TSHZ2: variants seen among roughly 807,000 people sequenced by gnomAD.
TSHZ2 encodes the protein teashirt zinc finger homeobox 2.
In TSHZ2, 21 loss-of-function variants were observed where a neutral mutation model predicts 74.4. The observed-to-expected ratio is 0.28, with a 90% confidence interval of 0.20 to 0.41. The LOEUF (loss-of-function observed/expected upper bound fraction) is 0.41, where lower values mean the gene tolerates loss of function less well. Ranked by LOEUF, TSHZ2 falls within the 10% of genes least tolerant of loss-of-function variation. The pLI is 1.00. For synonymous variants in TSHZ2, 540 were observed against 515.3 expected (o/e 1.05, Z -0.65); for missense variants, 1,244 against 1,293.5 (o/e 0.96, Z 0.59).
At chr20:53,231,732 A>C (rs1989828937) in intron 1 of TSHZ2, among the ~76,000 whole-genome samples, 1 of 152,176 alleles carries the variant, frequency 6.6e-6, no homozygotes, top group South Asian at 2.1e-4. Flanking sequence ...ATCTTTCCTC[A>C]ACCTCTACGG....
At chr20:53,170,071 A>C (rs1988160457) in intron 1 of TSHZ2, among the ~76,000 whole-genome samples, 1 of 152,188 alleles carries the variant, frequency 6.6e-6, no homozygotes. Context: ...AGATGTGAAA[A>C]CTGAGGCTTG....
intron 1 of TSHZ2, among the ~76,000 whole-genome samples, chr20:53,013,500 TAAC>T (rs1982929249): frequency 6.6e-6 from 1 of 152,344 alleles, no homozygotes; most frequent in South Asian, 2.1e-4. Context: ...TAGGTTAACT[TAAC>T]AAATATTTAT....
chr20:53,114,710 A>G (rs953656276), intron 1 of TSHZ2, among the ~76,000 whole-genome samples: 1 of 152,172 alleles, frequency 6.6e-6, no homozygotes, highest in Non-Finnish European at 1.5e-5. Flanking sequence ...TCTAGAGTTT[A>G]CACACAACCC....
At chr20:53,353,935 G>A (rs1360704105) in intron 2 of TSHZ2, among the ~76,000 whole-genome samples, 2 of 152,208 alleles carry the variant, frequency 1.3e-5, no homozygotes, top group African/African-American at 4.8e-5. Flanking sequence ...TTCCTGGCAT[G>A]TGGGTCTTTT....
At chr20:53,362,706 A>C (rs1379574889) in intron 2 of TSHZ2, among the ~76,000 whole-genome samples, 1 of 152,212 alleles carries the variant, frequency 6.6e-6, no homozygotes, top group Non-Finnish European at 1.5e-5. Context: ...AATGGTAAGA[A>C]TCTGATTGCT....
chr20:53,389,522 T>C (rs1415305830), intron 2 of TSHZ2, among the ~76,000 whole-genome samples: 1 of 152,082 alleles, frequency 6.6e-6, no homozygotes, highest in Admixed American at 6.5e-5. Flanking sequence ...CCAGGCAGAG[T>C]GGCCAAGACT....
At chr20:53,437,197 G>A (rs1337933307) in intron 2 of TSHZ2, among the ~76,000 whole-genome samples, 1 of 152,152 alleles carries the variant, frequency 6.6e-6, no homozygotes, top group Non-Finnish European at 1.5e-5. Flanking sequence ...CTCAGGCCAG[G>A]CACAGTAGCT....
chr20:53,095,569 T>C (rs1986014307), intron 1 of TSHZ2, among the ~76,000 whole-genome samples: 2 of 152,200 alleles, frequency 1.3e-5, no homozygotes, highest in South Asian at 4.1e-4. Context: ...ATAATAAATT[T>C]CTGTTACATA....
intron 2 of TSHZ2, among the ~76,000 whole-genome samples, chr20:53,279,675 C>T (rs67671288): frequency 0.082 from 12,533 of 152,240 alleles, 557 homozygotes; most frequent in African/African-American, 0.12. Flanking sequence ...AACAAAATGA[C>T]ATTTTCCTTT....
chr20:53,081,379 G>T (rs1216243087), intron 1 of TSHZ2, among the ~76,000 whole-genome samples: 1 of 152,152 alleles, frequency 6.6e-6, no homozygotes, highest in Non-Finnish European at 1.5e-5. Context: ...TACACTTTCA[G>T]CTTGACACTG....
At position 53,254,888 on chromosome 20, in the gene TSHZ2, A is replaced by T; in HGVS notation, c.1430A>T (p.Lys477Ile). The change falls in exon 2 of 3, where the codon AAA becomes ATA. Residue 477 changes from lysine (K) to isoleucine (I), a missense_variant. Physicochemically the swap from Lys to Ile is moderately radical, Grantham distance 102 (BLOSUM62 -3). This residue lies in a region of TSHZ2 where 562 missense variants were observed against 544.0 expected (regional missense o/e 1.03). Coordinates refer to ENST00000371497, the MANE Select transcript of TSHZ2 (RefSeq NM_173485.6). ...ERPEETSKDE[K>I]VVKSEDYEDP... Reference sequence around the variant, plus strand: ...CCAGAGGAAACCAGCAAGGATGAGAAAGTCGTGAAAAGCGAGGACTATGAA... The same window carrying T: ...CCAGAGGAAACCAGCAAGGATGAGATAGTCGTGAAAAGCGAGGACTATGAA... 3 of 1,614,150 alleles carry T rather than the reference A, an allele frequency of 1.9e-6. No homozygotes were observed. The highest frequency in any genetic ancestry group is 2.5e-6 in the Non-Finnish European group (3 of 1,180,034).
chr20:53,465,579 T>G (rs1985533095), intron 2 of TSHZ2, among the ~76,000 whole-genome samples: 1 of 152,030 alleles, frequency 6.6e-6, no homozygotes, highest in South Asian at 2.1e-4. Context: ...CCAGAAATCT[T>G]TATTACTATG....
At chr20:53,128,705 T>G (rs1164539674) in intron 1 of TSHZ2, among the ~76,000 whole-genome samples, 1 of 151,846 alleles carries the variant, frequency 6.6e-6, no homozygotes, top group Non-Finnish European at 1.5e-5. Flanking sequence ...CACTGCAACC[T>G]CCACCTCCCA....
chr20:53,192,618 G>A (rs1325753637), intron 1 of TSHZ2, among the ~76,000 whole-genome samples: 1 of 151,880 alleles, frequency 6.6e-6, no homozygotes, highest in East Asian at 1.9e-4. Flanking sequence ...CCCAGAGAAG[G>A]GGACAGGGCA....
chr20:53,436,018 C>G (rs753295328), intron 2 of TSHZ2, among the ~76,000 whole-genome samples: 1 of 152,216 alleles, frequency 6.6e-6, no homozygotes, highest in Non-Finnish European at 1.5e-5. Flanking sequence ...GTAACAAGTG[C>G]TCCGTCAATT....
chr20:53,179,025 T>C (rs889291020), intron 1 of TSHZ2: 5 of 152,112 alleles, frequency 3.3e-5, no homozygotes, highest in African/African-American at 1.2e-4. Context: ...GGGAAAGGGG[T>C]CAAACCCTTG....
Position 53,421,925 on chromosome 20 carries a change from C to T in TSHZ2, c.*9-65219C>T, listed in dbSNP as rs1348345912. Among the ~76,000 whole-genome samples the T allele has an allele frequency of 2.6e-5, 4 of 152,114 alleles. 1 individual carries two copies. The South Asian group carries it at 8.3e-4, about 32-fold the overall frequency. On this transcript the variant is annotated intron_variant, in intron 2 of 2. Coordinates refer to ENST00000371497, the MANE Select transcript of TSHZ2 (RefSeq NM_173485.6). ...CTCGATCTCCTGACCTTGTGATCCACCCGCCTCGGCCTCCCAAAGTGCTGG... is the reference window on the plus strand; with the variant it reads ...CTCGATCTCCTGACCTTGTGATCCATCCGCCTCGGCCTCCCAAAGTGCTGG...
At chr20:53,049,269 C>T (rs1390549612) in intron 1 of TSHZ2, among the ~76,000 whole-genome samples, 1 of 152,152 alleles carries the variant, frequency 6.6e-6, no homozygotes. Flanking sequence ...ATTTTGTGTT[C>T]TGACAATGTC....
In TSHZ2 at chr20:53,148,391, G is replaced by A. The variant is rs1043755358; in HGVS notation, c.41-105108G>A. Among the ~76,000 whole-genome samples the A allele has an allele frequency of 1.5e-4, 23 of 152,134 alleles. 1 individual carries two copies. Among genetic ancestry groups the A allele is most frequent in the Non-Finnish European group, 3.1e-4 (21 of 68,026 alleles). The stretch of plus-strand genomic sequence containing the variant: ...AGCTTCCCACAGTGCACAGGACACC[G>A]CCCACCACACAGAGTGATCCAGCTT... On this transcript the variant is annotated intron_variant, in intron 1 of 2. Transcript: ENST00000371497.
Sources: allele counts gnomAD v4.1 joint callset (sites outside exome capture counted in the v4.1 genomes callset), GRCh38; gene constraint gnomAD v4.1.1; regional missense constraint gnomAD v4.1.1; transcripts MANE v1.5; gene names NCBI Gene and HGNC (gene_info 2026-07-23, HGNC 2026-07-21).